AGBL1: variants seen among roughly 807,000 people sequenced by gnomAD.
The protein encoded by AGBL1 is AGBL carboxypeptidase 1.
AGBL1 carries 130 observed loss-of-function variants against 118.9 expected under a neutral mutation model. The ratio of observed to expected loss-of-function variants is 1.09; its 90% CI spans 0.95 to 1.26. The LOEUF (loss-of-function observed/expected upper bound fraction) is 1.26, where lower values mean the gene tolerates loss of function less well. AGBL1 is among the 50% of genes most tolerant of loss of function. AGBL1 has a pLI of 0.00. For missense variants in AGBL1, 1,584 were observed against 1,298.1 expected (o/e 1.22, Z -3.38); for synonymous variants, 555 against 478.9 (o/e 1.16, Z -2.08).
chr15:86,423,545 T>C (rs570290402), intron 18 of AGBL1, among the ~76,000 whole-genome samples: 148 of 152,198 alleles, frequency 9.7e-4, no homozygotes, highest in African/African-American at 3.4e-3. Flanking sequence ...CGGGTAATCA[T>C]GCAAGAGAAA....
chr15:86,989,515 A>G (rs1215154745), intron 24 of AGBL1, among the ~76,000 whole-genome samples: 1 of 152,148 alleles, frequency 6.6e-6, no homozygotes, highest in Non-Finnish European at 1.5e-5. Context: ...TTAATCTGCT[A>G]AGATGGGAAA....
chr15:86,358,402 T>C (rs28844692), intron 17 of AGBL1, among the ~76,000 whole-genome samples: 3,266 of 152,170 alleles, frequency 0.021, 116 homozygotes, highest in African/African-American at 0.075. Context: ...TATATATATG[T>C]ACACATTTTC....
chr15:86,189,790 A>C (rs2077690119), intron 5 of AGBL1, among the ~76,000 whole-genome samples: 2 of 152,306 alleles, frequency 1.3e-5, no homozygotes, highest in South Asian at 2.1e-4. Context: ...TAAATTACCC[A>C]GTCTCACGTC....
intron 17 of AGBL1, among the ~76,000 whole-genome samples, chr15:86,341,875 C>A (rs746901715): frequency 5.9e-5 from 9 of 151,862 alleles, no homozygotes; most frequent in Admixed American, 5.9e-4. Flanking sequence ...TTTTTAAGAC[C>A]ACCTTCATTT....
chr15:86,697,203 T>C (rs1037548026), intron 22 of AGBL1, among the ~76,000 whole-genome samples: 2 of 151,962 alleles, frequency 1.3e-5, no homozygotes, highest in African/African-American at 2.4e-5. Flanking sequence ...TTCCAAACTT[T>C]TAAATTTCTC....
chr15:86,356,749 C>T (rs576270992), intron 17 of AGBL1, among the ~76,000 whole-genome samples: 13 of 151,978 alleles, frequency 8.6e-5, no homozygotes, highest in African/African-American at 1.5e-4. Context: ...CATGGGCAAA[C>T]GAGGAGGTAT....
chr15:86,860,894 CT>C (rs916914072), intron 22 of AGBL1, among the ~76,000 whole-genome samples: 1 of 152,042 alleles, frequency 6.6e-6, no homozygotes, highest in Non-Finnish European at 1.5e-5. Context: ...GAGGGAGAGG[CT>C]TTTTGTTTAC....
chr15:86,959,116 A>C (rs1261437769), intron 23 of AGBL1, among the ~76,000 whole-genome samples: 1 of 152,146 alleles, frequency 6.6e-6, no homozygotes, highest in Non-Finnish European at 1.5e-5. Flanking sequence ...GATGTACTTA[A>C]GTCGTTAATA....
chr15:86,537,608 C>T (rs114041317), intron 19 of AGBL1, among the ~76,000 whole-genome samples: 3,420 of 152,290 alleles, frequency 0.022, 70 homozygotes, highest in Middle Eastern at 0.065. Flanking sequence ...CTTTCAAATA[C>T]GCGAATTGAG....
intron 19 of AGBL1, among the ~76,000 whole-genome samples, chr15:86,543,907 T>C (rs1287538801): frequency 6.6e-6 from 1 of 152,208 alleles, no homozygotes; most frequent in African/African-American, 2.4e-5. Context: ...AACAGGTGGC[T>C]TGCCTTTTTC....
intron 23 of AGBL1, among the ~76,000 whole-genome samples, chr15:86,940,887 G>T (rs1212393882): frequency 6.6e-6 from 1 of 152,102 alleles, no homozygotes; most frequent in African/African-American, 2.4e-5. Flanking sequence ...CCTGTTCTTT[G>T]TTTCTGCTTT....
chr15:86,742,193 C>G (rs1453501401), intron 22 of AGBL1, among the ~76,000 whole-genome samples: 1 of 152,056 alleles, frequency 6.6e-6, no homozygotes, highest in Non-Finnish European at 1.5e-5. Flanking sequence ...CTGCAAAGGA[C>G]CAATTGTGTC....
intron 16 of AGBL1, among the ~76,000 whole-genome samples, chr15:86,293,619 T>G (rs559640433): frequency 1.3e-5 from 2 of 152,302 alleles, no homozygotes; most frequent in East Asian, 3.9e-4. Flanking sequence ...ATGTGAGGTA[T>G]CCTACCAAAG....
In AGBL1 at chr15:86,899,876, T is replaced by G. The variant is rs1596610568; in HGVS notation, c.3159-7211T>G. On this transcript the variant is annotated intron_variant, in intron 22 of 22. Transcript: ENST00000614907. The stretch of plus-strand genomic sequence containing the variant: ...CTGTGCGGGTGTTGCCAAAGGAGAT[T>G]AACATTTGAGTCAGTGGACTGGGAG... Among the ~76,000 whole-genome samples, 3 of 152,234 alleles carry G rather than the reference T, an allele frequency of 2.0e-5. No homozygotes were observed. The South Asian group carries it at 6.2e-4, about 32-fold the overall frequency.
intron 21 of AGBL1, among the ~76,000 whole-genome samples, chr15:86,595,164 C>A (rs538277801): frequency 6.6e-6 from 1 of 152,294 alleles, no homozygotes; most frequent in East Asian, 1.9e-4. Flanking sequence ...CTTCTCCTCT[C>A]TCTATAACCT....
chr15:86,636,569 C>A (rs1382549587), intron 21 of AGBL1, among the ~76,000 whole-genome samples: 9 of 149,042 alleles, frequency 6.0e-5, no homozygotes, highest in African/African-American at 2.2e-4. Flanking sequence ...AAACTTTTTC[C>A]CTTATGAAAT....
At chr15:86,606,387 G>A (rs2084578054) in intron 21 of AGBL1, among the ~76,000 whole-genome samples, 1 of 152,094 alleles carries the variant, frequency 6.6e-6, no homozygotes, top group Non-Finnish European at 1.5e-5. Context: ...AAAATAATCA[G>A]TAAAGACAGA....
chr15:86,738,989 TA>T (rs1480747085), intron 22 of AGBL1, among the ~76,000 whole-genome samples: 1 of 151,104 alleles, frequency 6.6e-6, no homozygotes, highest in African/African-American at 2.4e-5. Flanking sequence ...AAAATAAAAA[TA>T]AAAAAATTAG....
chr15:86,521,146 G>C (rs1278991357), intron 18 of AGBL1, among the ~76,000 whole-genome samples: 2 of 152,146 alleles, frequency 1.3e-5, no homozygotes, highest in Non-Finnish European at 2.9e-5. Context: ...TTTCCAGTAA[G>C]TTGTAAGAAG....
Sources: gnomAD v4.1 joint callset for allele counts (sites outside exome capture counted in the v4.1 genomes callset) on GRCh38, gnomAD v4.1.1 for gene constraint, MANE v1.5 for transcripts, NCBI Gene and HGNC (gene_info 2026-07-23, HGNC 2026-07-21) for gene names.